Variants in ITFG2 observed in about 807,000 individuals in gnomAD.
ITFG2 encodes integrin alpha FG-GAP repeat containing 2.
In ITFG2, 36 loss-of-function variants were observed where a neutral mutation model predicts 54.4. The observed-to-expected ratio is 0.66, with a 90% CI of 0.51 to 0.87. The LOEUF (loss-of-function observed/expected upper bound fraction) is 0.87, where lower values mean the gene tolerates loss of function less well. Among genes scored for constraint, ITFG2 ranks in the 40% least tolerant of loss-of-function variants. The pLI is 0.00. For missense variants in ITFG2, 524 were observed against 576.7 expected, an observed-to-expected ratio of 0.91 and a Z score of 0.94; for synonymous variants, 211 against 225.4, an observed-to-expected ratio of 0.94 and a Z score of 0.57.
chr12:2,827,334 C>G, downstream of ITFG2: 1 of 1,593,624 alleles, frequency 6.3e-7, no homozygotes, highest in Non-Finnish European at 8.5e-7. This position sits in a 1 kb window ranked among gnomAD's most constrained non-coding sequence, Gnocchi z 4.0. Context: ...CAGGTCACCT[C>G]AGCCCGCCAC....
At chr12:2,859,784 G>A (rs1161204528) in exon 4 of ITFG2, 1 of 722,070 alleles carries the variant, frequency 1.4e-6, no homozygotes, top group East Asian at 2.7e-5. Context: ...TTAAATATGA[G>A]AATACGATGT....
At chr12:2,829,042 A>C (rs2097985825), downstream of ITFG2, among the ~76,000 whole-genome samples, 1 of 152,130 alleles carries the variant, frequency 6.6e-6, no homozygotes, top group Non-Finnish European at 1.5e-5. Context: ...TCTACAAAAA[A>C]TAAAATGGAA....
At chr12:2,830,638 G>T in intron 2 of ITFG2, 1 of 1,505,476 alleles carries the variant, frequency 6.6e-7, no homozygotes, top group Non-Finnish European at 9.0e-7. Flanking sequence ...GGGCAGAGCA[G>T]AAAGGAGAGC....
chr12:2,858,075 T>C (rs1422797953), exon 3 of ITFG2: 3 of 152,636 alleles, frequency 2.0e-5, no homozygotes, highest in Non-Finnish European at 4.4e-5. Flanking sequence ...GGCAAGCAGA[T>C]CCACTTGTCT....
At chr12:2,847,740 T>G (rs1248107799) in intron 2 of ITFG2, among the ~76,000 whole-genome samples, 2 of 152,052 alleles carry the variant, frequency 1.3e-5, no homozygotes, top group East Asian at 3.9e-4. Context: ...ATATCTTCTA[T>G]TCAACTTTCT....
intron 2 of ITFG2, chr12:2,857,008 T>G (rs761232358): frequency 1.4e-6 from 1 of 703,008 alleles, no homozygotes; most frequent in South Asian, 1.5e-5. Flanking sequence ...CTGAGTGATC[T>G]TTGCCGGTTA....
At position 2,821,682 on chromosome 12, in the gene ITFG2, C is replaced by T; in HGVS notation, c.848-10C>T. On this transcript the variant is annotated splice_polypyrimidine_tract_variant and intron_variant, in intron 8 of 11. Transcript: ENST00000228799. ...TCCCACCCACACTCAGCCTGCCTCT[C>T]CCCCGGCAGGGACACTGAAGCTCAT... 1.2e-6 allele frequency: 2 copies of T among 1,613,360 alleles called. No individual in the cohort carries two copies. Among genetic ancestry groups the T allele is most frequent in the Admixed American group, 1.7e-5 (1 of 60,010 alleles).
chr12:2,834,532 G>A (rs544678228), upstream of ITFG2: 72 of 1,430,590 alleles, frequency 5.0e-5, no homozygotes, highest in South Asian at 7.4e-4. Context: ...GCAAGGGAGC[G>A]GGACCTGAAA....
intron 2 of ITFG2, among the ~76,000 whole-genome samples, chr12:2,854,407 C>T (rs963125552): frequency 6.6e-6 from 1 of 152,212 alleles, no homozygotes; most frequent in African/African-American, 2.4e-5. Context: ...ACCTGAGGCT[C>T]CCCCCTTCAT....
intron 2 of ITFG2, chr12:2,857,547 GC>G (rs966890153): frequency 1.3e-5 from 2 of 157,040 alleles, no homozygotes; most frequent in African/African-American, 4.8e-5. Flanking sequence ...CTGTGCAAGT[GC>G]TCCAACTGCT....
chr12:2,850,534 A>G (rs759699227), intron 2 of ITFG2, among the ~76,000 whole-genome samples: 5 of 151,550 alleles, frequency 3.3e-5, no homozygotes, highest in Non-Finnish European at 5.9e-5. Context: ...CCAGGTTTAC[A>G]TGTAAATGTT....
chr12:2,831,761 C>A (rs193076825), downstream of ITFG2, among the ~76,000 whole-genome samples: 1 of 151,080 alleles, frequency 6.6e-6, no homozygotes, highest in Non-Finnish European at 1.5e-5. Flanking sequence ...TCTTTCTTTT[C>A]TTTCTTTTTC....
At position 2,819,538 on chromosome 12, in the gene ITFG2, G is replaced by A. The variant is rs2097935087; in HGVS notation, c.407-548G>A. On this transcript the variant is annotated intron_variant, in intron 4 of 11. Coordinates refer to ENST00000228799, the MANE Select transcript of ITFG2 (RefSeq NM_018463.4). Reference sequence around the variant, plus strand: ...CCCAGCTACTCTAGAGGCCGAGGCAGGAGAATTGCTTGAGCCCGGAAGGTG... The same window carrying A: ...CCCAGCTACTCTAGAGGCCGAGGCAAGAGAATTGCTTGAGCCCGGAAGGTG... 2.0e-5 allele frequency: 3 copies of A among 152,280 alleles called. No individual in the cohort carries two copies. In the South Asian group the frequency reaches 6.2e-4, roughly 32 times the overall value. 9.4% of individuals were successfully genotyped at this position (152,280 alleles called of 1,614,324 possible). A position where few individuals can be genotyped will look rare whatever the true frequency, so the allele number is the denominator to read the frequency against.
chr12:2,857,127 T>A, intron 2 of ITFG2: 1 of 701,440 alleles, frequency 1.4e-6, no homozygotes. Context: ...GCTTGAGTGG[T>A]GATGCAGAGA....
At chr12:2,859,619 T>C in exon 4 of ITFG2, 2 of 1,612,470 alleles carry the variant, frequency 1.2e-6, no homozygotes, top group African/African-American at 1.3e-5. Flanking sequence ...CTTTCCCTGG[T>C]CCTGCAGAAG....
downstream of ITFG2, chr12:2,826,878 G>A (rs2097969737): frequency 5.7e-6 from 4 of 707,088 alleles, no homozygotes; most frequent in South Asian, 7.0e-5. Flanking sequence ...AGTCAGCAGA[G>A]CCTTCGACCC....
At chr12:2,855,117 G>C (rs540502018) in intron 2 of ITFG2, 10 of 1,533,384 alleles carry the variant, frequency 6.5e-6, no homozygotes, top group East Asian at 2.4e-5. Context: ...GGTGCTCCGT[G>C]GGGGGGCATC....
At chr12:2,855,228 C>T (rs568961707) in intron 2 of ITFG2, 19 of 1,505,506 alleles carry the variant, frequency 1.3e-5, no homozygotes, top group South Asian at 2.5e-5. Flanking sequence ...CATCGAGCCA[C>T]GTGTGAAAGC....
chr12:2,834,717 G>A (rs1254386659), upstream of ITFG2: 2 of 1,613,952 alleles, frequency 1.2e-6, no homozygotes, highest in South Asian at 1.1e-5. Context: ...GCAGGAACTG[G>A]GTGGCCTGTT....
Sources: allele counts gnomAD v4.1 joint callset (sites outside exome capture counted in the v4.1 genomes callset), GRCh38; gene constraint gnomAD v4.1.1; non-coding constraint Gnocchi (gnomAD v3.1); transcripts MANE v1.5; gene names NCBI Gene and HGNC (gene_info 2026-07-23, HGNC 2026-07-21).